The following IRF8 variants were observed in gnomAD, a reference collection of about 807,000 sequenced individuals.
IRF8 encodes interferon regulatory factor 8, also known as interferon consensus sequence binding protein 1.
A neutral mutation model predicts 48.7 loss-of-function variants in IRF8; 14 were observed. That is an observed-to-expected ratio of 0.29 (90% CI 0.19 to 0.45). The LOEUF (loss-of-function observed/expected upper bound fraction) is 0.45. Ranked by LOEUF, IRF8 falls within the 20% of genes least tolerant of loss-of-function variation. The pLI is 1.00. For synonymous variants in IRF8, 278 were observed against 227.3 expected (o/e 1.22, Z -2.01); for missense variants, 493 against 580.7 (o/e 0.85, Z 1.55).
chr16:85,911,426 A>T, intron 3 of IRF8, 144 bp from the exon 4 acceptor site: 1 of 719,642 alleles, frequency 1.4e-6, no homozygotes, highest in East Asian at 2.9e-5. Flanking sequence ...TGGGAAAAAA[A>T]TTCTGTGCCT....
chr16:85,911,774 A>C lies in IRF8; in HGVS notation c.447+116A>C, dbSNP rs1905151510. On this transcript the variant is annotated intron_variant, in intron 4 of 8. Transcript: ENST00000268638. ...GGCAGCCAGACCCTCGGGCTCGCTG[A>C]GGAAGTGGCATCTCCACCTGTACAG... is the stretch of plus-strand genomic sequence containing the variant. The C allele has an allele frequency of 1.6e-5, 13 of 806,440 alleles. No individual in the cohort carries two copies. In the South Asian group the frequency reaches 1.9e-4, roughly 12 times the overall value. The allele number at this position is 806,440 out of a possible 1,614,324, so 50.0% of individuals were successfully genotyped here. A position where few individuals can be genotyped will look rare whatever the true frequency, so the allele number is the denominator to read the frequency against.
chr16:85,913,611 G>A (rs1378580627), intron 5 of IRF8, among the ~76,000 whole-genome samples: 1 of 152,236 alleles, frequency 6.6e-6, no homozygotes, highest in Admixed American at 6.5e-5. Flanking sequence ...ACTCCCTTAG[G>A]TCGGCCAGTC....
intron 2 of IRF8, among the ~76,000 whole-genome samples, chr16:85,904,731 C>T (rs1223429901): frequency 6.6e-6 from 1 of 151,620 alleles, no homozygotes; most frequent in African/African-American, 2.4e-5. Context: ...GGAGCCTCAG[C>T]ACCAAGAAGT....
At chr16:85,904,683 A>G (rs571483064) in intron 2 of IRF8, among the ~76,000 whole-genome samples, 1 of 152,158 alleles carries the variant, frequency 6.6e-6, no homozygotes, top group African/African-American at 2.4e-5. Flanking sequence ...GTGCCCCCAC[A>G]CGTTCCAGAT....
rs1381601427 is a variant in IRF8, at chr16:85,920,101, C to T, written c.989-8C>T. 4 of 1,606,114 alleles carry T rather than the reference C, an allele frequency of 2.5e-6. No individual in the cohort carries two copies. The African/African-American group carries it at 4.0e-5, about 16-fold the overall frequency. ...GCTTGCAAACACCCTCTGCCTGTGTCATTCCAGAGCTGCAGCAGTTCTATA... is the reference window on the plus strand; with the variant it reads ...GCTTGCAAACACCCTCTGCCTGTGTTATTCCAGAGCTGCAGCAGTTCTATA... On this transcript the variant is annotated splice_polypyrimidine_tract_variant and splice_region_variant and intron_variant, in intron 7 of 8. Transcript: ENST00000268638.
chr16:85,904,590 G>T (rs982619124), intron 2 of IRF8, among the ~76,000 whole-genome samples: 7 of 152,154 alleles, frequency 4.6e-5, no homozygotes, highest in South Asian at 2.1e-4. Flanking sequence ...TGATCTTCTT[G>T]AGAATCTGAT....
At chr16:85,911,520 C>CTG in intron 3 of IRF8, 50 bp from the exon 4 acceptor site, 1 of 1,445,168 alleles carries the variant, frequency 6.9e-7, no homozygotes, top group Non-Finnish European at 9.7e-7. Flanking sequence ...TCAGCAAAGG[C>CTG]TGTGATGCCT....
chr16:85,921,084 A>G, intron 8 of IRF8, 22 bp from the exon 9 acceptor site: 1 of 1,603,498 alleles, frequency 6.2e-7, no homozygotes, highest in African/African-American at 1.3e-5. Flanking sequence ...TCTGCCTCTG[A>G]CTTTCTGCAC....
chr16:85,903,555 G>A, intron 2 of IRF8: 1 of 306,468 alleles, frequency 3.3e-6, no homozygotes, highest in Non-Finnish European at 6.2e-6. Flanking sequence ...ACCAGGGAAG[G>A]TTTCAGTCCT....
In IRF8 at chr16:85,918,752, C is replaced by A. The variant is rs1434809477; in HGVS notation, c.937C>A (p.Leu313Met). ...GGTGTGCAAAGGCAGGCCCAACAAGCTGGAGCGTGATGAGGTGGTCCAGGT... is the reference window on the plus strand; with the variant it reads ...GGTGTGCAAAGGCAGGCCCAACAAGATGGAGCGTGATGAGGTGGTCCAGGT... ...AVVCKGRPNKLERDEVVQVFD... is the reference protein window; with the variant it reads ...AVVCKGRPNKMERDEVVQVFD... Residue 313 changes from leucine (L) to methionine (M), a missense_variant, in exon 7 of 9, where the codon CTG becomes ATG. By Grantham distance (15) the Leu-to-Met change is conservative (BLOSUM62 2). This residue lies in a region of IRF8 where 408 missense variants were observed against 449.6 expected (regional missense o/e 0.91). Transcript: ENST00000268638. 1 of 1,612,242 alleles carries A rather than the reference C, an allele frequency of 6.2e-7. No individual in the cohort carries two copies. Among genetic ancestry groups the A allele is most frequent in the Admixed American group, 1.7e-5 (1 of 60,034 alleles).
At chr16:85,899,640 G>C (rs568988166) in intron 1 of IRF8, among the ~76,000 whole-genome samples, 1 of 152,126 alleles carries the variant, frequency 6.6e-6, no homozygotes, top group East Asian at 1.9e-4. Context: ...ATAACCAGTC[G>C]TTACTGAGGG....
chr16:85,911,989 GA>G lies in IRF8; in HGVS notation c.447+333del, dbSNP rs1181276116. On this transcript the variant is annotated intron_variant, in intron 4 of 8. Coordinates refer to ENST00000268638, the MANE Select transcript of IRF8 (RefSeq NM_002163.4). The stretch of plus-strand genomic sequence containing the variant: ...ACAGCAGTCTTTTAAATGGCATCGT[GA>G]ATTCCCTTGCCTTCCTAGCAGGCTA... Among the ~76,000 whole-genome samples the G allele has an allele frequency of 2.0e-5, 3 of 152,360 alleles. No individual in the cohort carries two copies. In the East Asian group the frequency reaches 5.8e-4, roughly 29 times the overall value.
chr16:85,920,119 G>A lies in IRF8; in HGVS notation c.999G>A (p.Gln333=). ...DTSQFFRELQ[Q]FYNSQGRLPD... is the part of the protein sequence containing the mutation. ...CCTGTGTCATTCCAGAGCTGCAGCA[G>A]TTCTATAACAGCCAGGGCCGGCTTC... Residue 333 remains glutamine, a synonymous_variant, in exon 8 of 9, where the codon CAG becomes CAA. Transcript: ENST00000268638. 1 of 1,613,264 alleles carries A rather than the reference G, an allele frequency of 6.2e-7. No individual in the cohort carries two copies. Among genetic ancestry groups the A allele is most frequent in the Non-Finnish European group, 8.5e-7 (1 of 1,179,378 alleles).
At chr16:85,914,172 G>A (rs1040050382) in intron 5 of IRF8, 2 of 451,610 alleles carry the variant, frequency 4.4e-6, no homozygotes, top group South Asian at 2.1e-5. Context: ...TATTCTGGGG[G>A]TAAGTGCTTG....
chr16:85,909,513 T>C (rs1905086790), intron 3 of IRF8: 5 of 352,770 alleles, frequency 1.4e-5, no homozygotes, highest in South Asian at 2.5e-5. Context: ...GGGGAAAATA[T>C]GGTGACCACA....
chr16:85,915,947 C>T (rs1006618041), intron 6 of IRF8, among the ~76,000 whole-genome samples: 2 of 152,156 alleles, frequency 1.3e-5, no homozygotes, highest in African/African-American at 2.4e-5. Context: ...TATGTAAATC[C>T]ATGCTTCAGT....
At chr16:85,911,100 A>C (rs1905129010) in intron 3 of IRF8, among the ~76,000 whole-genome samples, 1 of 152,178 alleles carries the variant, frequency 6.6e-6, no homozygotes, top group Non-Finnish European at 1.5e-5. Context: ...GCACTGATGC[A>C]CATGTGTATA....
At chr16:85,918,315 CAAAG>C in intron 6 of IRF8, 98 bp from the exon 7 acceptor site, 1 of 1,376,246 alleles carries the variant, frequency 7.3e-7, no homozygotes, top group Non-Finnish European at 9.8e-7. Flanking sequence ...TCAAGACACA[CAAAG>C]AGTTACCCGT....
Position 85,918,740 on chromosome 16 carries a change from A to G in IRF8, c.925A>G (p.Arg309Gly). The stretch of plus-strand genomic sequence containing the variant: ...CGGCAACGCCGTGGTGTGCAAAGGC[A>G]GGCCCAACAAGCTGGAGCGTGATGA... ...CSGNAVVCKG[R>G]PNKLERDEVV... Residue 309 changes from arginine (R) to glycine (G), a missense_variant, in exon 7 of 9, where the codon AGG becomes GGG. Physicochemically the swap from Arg to Gly is moderately radical, Grantham distance 125 (BLOSUM62 -2). Around this residue, in one of 3 missense-constraint regions of IRF8, gnomAD observed 408 missense variants for 449.6 expected, o/e 0.91. Coordinates refer to ENST00000268638, the MANE Select transcript of IRF8 (RefSeq NM_002163.4). 1.2e-6 allele frequency: 2 copies of G among 1,612,528 alleles called. No individual in the cohort carries two copies. Among genetic ancestry groups the G allele is most frequent in the Non-Finnish European group, 1.7e-6 (2 of 1,180,030 alleles).
Sources: gnomAD v4.1 joint callset for allele counts (sites outside exome capture counted in the v4.1 genomes callset) on GRCh38, gnomAD v4.1.1 for gene constraint, gnomAD v4.1.1 regional missense constraint, MANE v1.5 for transcripts, NCBI Gene and HGNC (gene_info 2026-07-23, HGNC 2026-07-21) for gene names.